The following DGKB variants were observed in gnomAD, a reference collection of about 807,000 sequenced individuals.
DGKB encodes 90 kDa diacylglycerol kinase.
Under a neutral mutation model 114.3 loss-of-function variants are expected in DGKB, and 67 were observed. The ratio of observed to expected loss-of-function variants is 0.59; its 90% CI spans 0.48 to 0.72. The LOEUF (loss-of-function observed/expected upper bound fraction) is 0.72. Among genes scored for constraint, DGKB ranks in the 30% least tolerant of loss-of-function variants. The pLI, the probability that DGKB is intolerant of heterozygous loss-of-function variation, is 0.00. For synonymous variants in DGKB, 398 were observed against 323.1 expected, an observed-to-expected ratio of 1.23 and a Z score of -2.49; for missense variants, 907 against 975.2, an observed-to-expected ratio of 0.93 and a Z score of 0.93.
At chr7:14,298,088 C>G (rs1585000883) in intron 23 of DGKB, among the ~76,000 whole-genome samples, 2 of 152,290 alleles carry the variant, frequency 1.3e-5, no homozygotes, top group Admixed American at 1.3e-4. Context: ...ATTCCATGCT[C>G]ATGGATAGGA....
At chr7:14,489,160 G>T (rs910096541) in intron 20 of DGKB, among the ~76,000 whole-genome samples, 1 of 152,164 alleles carries the variant, frequency 6.6e-6, no homozygotes, top group East Asian at 1.9e-4. Context: ...TAGGGTTCCA[G>T]TGTGTTTTGG....
intron 4 of DGKB, among the ~76,000 whole-genome samples, chr7:14,746,538 C>T (rs975583570): frequency 2.8e-4 from 43 of 152,196 alleles, no homozygotes; most frequent in African/African-American, 9.9e-4. Flanking sequence ...CTCTTCCCCA[C>T]CCCATGCTGG....
intron 21 of DGKB, among the ~76,000 whole-genome samples, chr7:14,365,070 T>C (rs1363294089): frequency 1.3e-5 from 2 of 151,808 alleles, no homozygotes; most frequent in African/African-American, 4.8e-5. Flanking sequence ...GTTTTTTACG[T>C]CCTCCTAGAT....
At chr7:14,301,831 G>A (rs893492308) in intron 23 of DGKB, among the ~76,000 whole-genome samples, 1 of 152,096 alleles carries the variant, frequency 6.6e-6, no homozygotes, top group Non-Finnish European at 1.5e-5. Context: ...ATTTCAGGAG[G>A]GTTGGTTGAT....
chr7:14,408,875 T>A (rs1824382533), intron 21 of DGKB, among the ~76,000 whole-genome samples: 1 of 151,940 alleles, frequency 6.6e-6, no homozygotes, highest in Admixed American at 6.6e-5. Context: ...AACCTAGAAA[T>A]ATGGAAAAAC....
intron 23 of DGKB, among the ~76,000 whole-genome samples, chr7:14,221,796 C>G (rs1276142122): frequency 6.6e-6 from 1 of 151,204 alleles, no homozygotes; most frequent in Non-Finnish European, 1.5e-5. Flanking sequence ...TGGGTCTTTG[C>G]TTTTCTTTGT....
chr7:14,277,617 T>C (rs1799223775), intron 23 of DGKB, among the ~76,000 whole-genome samples: 1 of 152,228 alleles, frequency 6.6e-6, no homozygotes. Flanking sequence ...TAAGGCTGAA[T>C]AGTATTTTAT....
At chr7:14,315,341 T>C (rs200612621) in intron 23 of DGKB, among the ~76,000 whole-genome samples, 62,205 of 143,870 alleles carry the variant, frequency 0.43, 12,797 homozygotes, top group South Asian at 0.54. Flanking sequence ...GACTGGCAAA[T>C]TGGATAAAGA....
chr7:14,206,163 T>G (rs1786776139), intron 23 of DGKB, among the ~76,000 whole-genome samples: 1 of 151,946 alleles, frequency 6.6e-6, no homozygotes, highest in African/African-American at 2.4e-5. Context: ...TAAGAAAGAC[T>G]GTAAAGAGAT....
chr7:14,936,624 T>C (rs1414669864), intron 1 of DGKB, among the ~76,000 whole-genome samples: 1 of 152,156 alleles, frequency 6.6e-6, no homozygotes, highest in Non-Finnish European at 1.5e-5. Flanking sequence ...GAGGTGGTCA[T>C]AGCTCAGGAT....
chr7:14,583,829 C>T (rs1333381885), intron 17 of DGKB, among the ~76,000 whole-genome samples: 2 of 152,080 alleles, frequency 1.3e-5, no homozygotes, highest in African/African-American at 4.8e-5. Flanking sequence ...GGAAAAGTCA[C>T]AAAGGCAGGT....
chr7:14,628,992 G>T (rs564543644), intron 14 of DGKB, among the ~76,000 whole-genome samples: 2 of 152,120 alleles, frequency 1.3e-5, no homozygotes, highest in Admixed American at 1.3e-4. Context: ...CAATCTATAT[G>T]ACACAAATTA....
chr7:14,433,651 C>T (rs1191837872), intron 21 of DGKB, among the ~76,000 whole-genome samples: 1 of 151,926 alleles, frequency 6.6e-6, no homozygotes, highest in Non-Finnish European at 1.5e-5. Flanking sequence ...TTTGTTCCCC[C>T]CTTTTAACTT....
chr7:14,443,887 T>A lies in DGKB; in HGVS notation c.1835+34274A>T, dbSNP rs73280344. Among the ~76,000 whole-genome samples the A allele has an allele frequency of 9.1e-3, 1,385 of 152,036 alleles. 24 individuals are homozygous for A. The highest frequency in any genetic ancestry group is 0.032 in the African/African-American group (1,327 of 41,512). On this transcript the variant is annotated intron_variant, in intron 21 of 25. Coordinates refer to ENST00000402815, the MANE Select transcript of DGKB (RefSeq NM_001350709.2). ...TACTTTAAATATTAGCTCTCTCACCTTCTATTTATCATTTACTTCTGGATT... is the reference window on the plus strand; with the variant it reads ...TACTTTAAATATTAGCTCTCTCACCATCTATTTATCATTTACTTCTGGATT...
intron 23 of DGKB, among the ~76,000 whole-genome samples, chr7:14,253,959 A>G (rs1299351587): frequency 2.0e-5 from 3 of 152,218 alleles, no homozygotes; most frequent in Non-Finnish European, 4.4e-5. Flanking sequence ...TGTGTTATTT[A>G]TAACTGTCCA....
At chr7:14,659,080 C>A (rs1284681218) in intron 13 of DGKB, among the ~76,000 whole-genome samples, 3 of 151,882 alleles carry the variant, frequency 2.0e-5, no homozygotes, top group East Asian at 1.9e-4. Context: ...AACCCCCTAC[C>A]ACTCGACAGG....
chr7:14,631,899 C>A (rs80262419), intron 13 of DGKB, among the ~76,000 whole-genome samples: 2,683 of 152,006 alleles, frequency 0.018, 71 homozygotes, highest in African/African-American at 0.061. Flanking sequence ...GGATCCTTAT[C>A]CCATTCTGTG....
chr7:14,898,006 A>C (rs926108135), intron 1 of DGKB, among the ~76,000 whole-genome samples: 3 of 152,020 alleles, frequency 2.0e-5, no homozygotes, highest in African/African-American at 7.2e-5. Context: ...CCCTTCCTCA[A>C]TGTAAAAAAC....
At chr7:14,785,101 G>A (rs1470980673) in intron 2 of DGKB, among the ~76,000 whole-genome samples, 2 of 151,874 alleles carry the variant, frequency 1.3e-5, no homozygotes, top group Admixed American at 1.3e-4. Flanking sequence ...TAAATATCAT[G>A]AACAATTTTA....
Sources: allele counts gnomAD v4.1 joint callset (sites outside exome capture counted in the v4.1 genomes callset), GRCh38; gene constraint gnomAD v4.1.1; transcripts MANE v1.5; gene names NCBI Gene and HGNC (gene_info 2026-07-23, HGNC 2026-07-21).